Variants in DPP10 observed in about 807,000 individuals in gnomAD.
The protein encoded by DPP10 is inactive dipeptidyl peptidase 10.
DPP10 carries 33 observed loss-of-function variants against 120.9 expected under a neutral mutation model. The observed-to-expected ratio is 0.27, with a 90% CI of 0.21 to 0.37. The LOEUF (loss-of-function observed/expected upper bound fraction) is 0.37. Ranked by LOEUF, DPP10 falls within the 10% of genes least tolerant of loss-of-function variation. DPP10 has a pLI of 1.00. For missense variants in DPP10, 816 were observed against 942.8 expected, an observed-to-expected ratio of 0.87 and a Z score of 1.76; for synonymous variants, 337 against 326.1, an observed-to-expected ratio of 1.03 and a Z score of -0.36.
intron 1 of DPP10, among the ~76,000 whole-genome samples, chr2:114,510,609 AC>A (rs1684059985): frequency 6.6e-6 from 1 of 152,308 alleles, no homozygotes; most frequent in African/African-American, 2.4e-5. Context: ...TCTCAAAAAA[AC>A]AAAACAAAAA....
At chr2:115,382,976 C>T (rs2066531739) in intron 3 of DPP10, among the ~76,000 whole-genome samples, 1 of 152,334 alleles carries the variant, frequency 6.6e-6, no homozygotes, top group East Asian at 1.9e-4. Flanking sequence ...AATTTCTGCA[C>T]AGGGGGTGCC....
chr2:114,966,420 C>T (rs1385897839), intron 1 of DPP10, among the ~76,000 whole-genome samples: 1 of 152,140 alleles, frequency 6.6e-6, no homozygotes, highest in African/African-American at 2.4e-5. Context: ...TTCAAAGACT[C>T]TGGCTTCCTC....
At position 115,523,638 on chromosome 2, in the gene DPP10, A is replaced by G. The variant is rs567277858; in HGVS notation, c.367-2260A>G. Among the ~76,000 whole-genome samples the G allele has an allele frequency of 1.3e-3, 194 of 152,150 alleles. 2 individuals are homozygous for G. Among genetic ancestry groups the G allele is most frequent in the African/African-American group, 4.6e-3 (191 of 41,530 alleles). ...CCCCTTGAACATTTCCTTAAAAACAATACACCTCCTGATACTATAATGTTG... is the reference window on the plus strand; with the variant it reads ...CCCCTTGAACATTTCCTTAAAAACAGTACACCTCCTGATACTATAATGTTG... On this transcript the variant is annotated intron_variant, in intron 4 of 25. Coordinates refer to ENST00000410059, the MANE Select transcript of DPP10 (RefSeq NM_020868.6).
rs144934285 is a variant in DPP10, at chr2:115,814,850, C to T, written c.1758C>T (p.Ser586=). 11 of 1,604,134 alleles carry T rather than the reference C, an allele frequency of 6.9e-6. No homozygotes were observed. The highest frequency in any genetic ancestry group is 4.0e-5 in the African/African-American group (3 of 74,830). ...VTDKFHIDWD[S]VLIDMDNVIV... Reference sequence around the variant, plus strand: ...ATAAGTTCCATATTGACTGGGATTCCGTACTCATTGACATGGATAATGTCA... The same window carrying T: ...ATAAGTTCCATATTGACTGGGATTCTGTACTCATTGACATGGATAATGTCA... The change falls in exon 20 of 26, where the codon TCC becomes TCT. Residue 586 remains serine, a synonymous_variant. Transcript: ENST00000410059.
chr2:115,798,331 A>G (rs1684775475), intron 19 of DPP10, among the ~76,000 whole-genome samples: 1 of 152,066 alleles, frequency 6.6e-6, no homozygotes, highest in East Asian at 1.9e-4. Flanking sequence ...AAGATTAACT[A>G]TATTATTAGT....
intron 3 of DPP10, among the ~76,000 whole-genome samples, chr2:115,455,064 A>G (rs925717435): frequency 2.6e-5 from 4 of 151,168 alleles, no homozygotes; most frequent in Non-Finnish European, 5.9e-5. Context: ...AAATAAATAT[A>G]AATATGTAAA....
At chr2:115,565,597 G>A (rs1265562048) in intron 5 of DPP10, among the ~76,000 whole-genome samples, 1 of 151,862 alleles carries the variant, frequency 6.6e-6, no homozygotes, top group Non-Finnish European at 1.5e-5. Flanking sequence ...CTTTTATATG[G>A]CATGTCTGTT....
intron 1 of DPP10, among the ~76,000 whole-genome samples, chr2:114,651,839 G>C (rs918167000): frequency 3.3e-5 from 5 of 152,148 alleles, no homozygotes; most frequent in Non-Finnish European, 7.3e-5. Context: ...CAAGAGAGCA[G>C]GCTTGCTGGG....
At chr2:114,875,992 C>T (rs1239978117) in intron 1 of DPP10, among the ~76,000 whole-genome samples, 1 of 152,018 alleles carries the variant, frequency 6.6e-6, no homozygotes, top group East Asian at 1.9e-4. Flanking sequence ...GAGTGGAATG[C>T]CTTGGTCATT....
rs564335715 is a variant in DPP10 at position 114,480,912 on chromosome 2, G to A, written c.60+38074G>A. On this transcript the variant is annotated intron_variant, in intron 1 of 25. Transcript: ENST00000410059. ...AACAAAAAAAACAAAAAGTTTTGCA[G>A]CAAGTGGACATCTATAGACAAAAAA... is the stretch of plus-strand genomic sequence containing the variant. Among the ~76,000 whole-genome samples, 15 of 151,754 alleles carry A rather than the reference G, an allele frequency of 9.9e-5. No individual in the cohort carries two copies. The South Asian group carries it at 3.1e-3, about 32-fold the overall frequency.
In DPP10 at chr2:115,727,931, A is replaced by G; in HGVS notation, c.692A>G (p.Tyr231Cys). ...IIFNGIADWL[Y>C]EEELLHSHIA... ...TTTAATGGGATTGCTGACTGGTTAT[A>G]TGAAGGTGAGTTGATCAGATTTAGT... The change falls in exon 8 of 26, where the codon TAT becomes TGT. Residue 231 changes from tyrosine (Y) to cysteine (C), a missense_variant. Transcript: ENST00000410059. 1 of 1,601,564 alleles carries G rather than the reference A, an allele frequency of 6.2e-7. No homozygotes were observed. Among genetic ancestry groups the G allele is most frequent in the East Asian group, 2.3e-5 (1 of 44,176 alleles).
intron 1 of DPP10, among the ~76,000 whole-genome samples, chr2:114,713,961 G>A (rs887248999): frequency 2.6e-5 from 4 of 151,228 alleles, no homozygotes; most frequent in African/African-American, 9.7e-5. Context: ...CTCCAGCCTG[G>A]GCTGCAGAGA....
intron 10 of DPP10, 89 bp downstream of exon 10, chr2:115,746,272 G>A: frequency 1.8e-6 from 2 of 1,132,622 alleles, no homozygotes; most frequent in Non-Finnish European, 2.6e-6. Flanking sequence ...GATGTGATCA[G>A]CTCAACAAAT....
At chr2:114,942,384 TATATATACACACACACAC>T (rs1470477162) in intron 1 of DPP10, among the ~76,000 whole-genome samples, 8 of 82,360 alleles carry the variant, frequency 9.7e-5, no homozygotes, top group Non-Finnish European at 2.0e-4. Context: ...CACACATATA[TATATATACACACACACAC>T]ATATATATAT....
At chr2:115,649,897 G>A (rs2087595965) in intron 5 of DPP10, among the ~76,000 whole-genome samples, 1 of 152,000 alleles carries the variant, frequency 6.6e-6, no homozygotes, top group African/African-American at 2.4e-5. Context: ...AAGAGGGCTG[G>A]CTGCTATTCA....
At chr2:114,752,491 T>C (rs1679328714) in intron 1 of DPP10, among the ~76,000 whole-genome samples, 1 of 152,192 alleles carries the variant, frequency 6.6e-6, no homozygotes. Context: ...CTGAAATTAC[T>C]TGTGCCTGGT....
At chr2:115,000,329 T>C (rs1701357653) in intron 1 of DPP10, among the ~76,000 whole-genome samples, 1 of 152,114 alleles carries the variant, frequency 6.6e-6, no homozygotes, top group Admixed American at 6.6e-5. Flanking sequence ...GCATAAAAAA[T>C]TGGGGGGACA....
chr2:115,143,458 G>A (rs772731520), intron 1 of DPP10, among the ~76,000 whole-genome samples: 20 of 152,212 alleles, frequency 1.3e-4, no homozygotes, highest in Non-Finnish European at 1.9e-4. Context: ...TAGAATGCCT[G>A]AGTAGATAAA....
intron 1 of DPP10, among the ~76,000 whole-genome samples, chr2:114,979,534 A>G (rs374869535): frequency 6.6e-6 from 1 of 152,030 alleles, no homozygotes; most frequent in East Asian, 1.9e-4. Context: ...GATATTTGAT[A>G]TTTAGTGGGA....
Sources: allele counts gnomAD v4.1 joint callset (sites outside exome capture counted in the v4.1 genomes callset), GRCh38; gene constraint gnomAD v4.1.1; transcripts MANE v1.5; gene names NCBI Gene and HGNC (gene_info 2026-07-23, HGNC 2026-07-21).